SERP2: variants seen among roughly 807,000 people sequenced by gnomAD.
SERP2 encodes stress associated endoplasmic reticulum protein family member 2, also known as stress-associated endoplasmic reticulum protein 2.
Under a neutral mutation model 9.1 loss-of-function variants are expected in SERP2, and 6 were observed. The observed-to-expected ratio is 0.66, with a 90% CI of 0.36 to 1.30. The LOEUF is 1.30. SERP2 is among the 50% of genes most tolerant of loss of function. The pLI, the probability that SERP2 is intolerant of heterozygous loss-of-function variation, is 0.03. For synonymous variants in SERP2, 37 were observed against 27.3 expected, an observed-to-expected ratio of 1.35 and a Z score of -1.10; for missense variants, 58 against 81.9, an observed-to-expected ratio of 0.71 and a Z score of 1.13.
rs1254460280 is a variant in SERP2 at position 44,373,880 on chromosome 13, G to A, written c.-146G>A. The A allele has an allele frequency of 1.8e-5, 11 of 613,804 alleles. No individual in the cohort carries two copies. The highest frequency in any genetic ancestry group is 3.0e-5 in the Non-Finnish European group (11 of 365,224). The allele number at this position is 613,804 out of a possible 1,614,324, so 38.0% of individuals were successfully genotyped here. ...GTCGGCTAGCCGGGGCTCGGGGAGC[G>A]GGGTGCGCAGGGCTCGGGGCCACGC... On this transcript the variant is annotated 5_prime_UTR_variant, in exon 1 of 3. Coordinates refer to ENST00000379179, the MANE Select transcript of SERP2 (RefSeq NM_001010897.3). This position sits in a 1 kb window ranked among gnomAD's most constrained non-coding sequence, Gnocchi z 4.8.
chr13:44,382,377 C>T (rs9590825), intron 2 of SERP2, among the ~76,000 whole-genome samples: 6,943 of 133,214 alleles, frequency 0.052, 515 homozygotes, highest in African/African-American at 0.18. Flanking sequence ...GTGGAGCTTG[C>T]AGTGAGCCGA....
At chr13:44,392,688 C>A (rs1326555073) in intron 2 of SERP2, among the ~76,000 whole-genome samples, 3 of 151,938 alleles carry the variant, frequency 2.0e-5, no homozygotes, top group African/African-American at 4.8e-5. Context: ...AGCAGTGGGA[C>A]GAGATCATGA....
rs373109847 is a variant in SERP2 at position 44,383,544 on chromosome 13, G to GTTTTTTTTTTTTTTTTTTTTTTTTTTT, written c.157+3839_157+3840insTTTTTTTTTTTTTTTTTTTTTTTTTTT. ...TAGCTCCACCTCTCTGGAGGTTTGC[G>GTTTTTTTTTTTTTTTTTTTTTTTTTTT]TTTTTTTTGTTTTTTTTTTTTTGAG... On this transcript the variant is annotated intron_variant, in intron 2 of 2. Coordinates refer to ENST00000379179, the MANE Select transcript of SERP2 (RefSeq NM_001010897.3). Among the ~76,000 whole-genome samples, 5 of 91,830 alleles carry GTTTTTTTTTTTTTTTTTTTTTTTTTTT rather than the reference G, an allele frequency of 5.4e-5. 2 individuals carry two copies. The highest frequency in any genetic ancestry group is 1.1e-4 in the Non-Finnish European group (5 of 47,422). The allele number at this position is 91,830 out of a possible 152,430, so 60.2% of individuals were successfully genotyped here. A position where few individuals can be genotyped will look rare whatever the true frequency, so the allele number is the denominator to read the frequency against.
chr13:44,397,226 C>A (rs774308237), intron 2 of SERP2, 46 bp from the exon 3 acceptor site: 3 of 1,573,988 alleles, frequency 1.9e-6, no homozygotes, highest in Non-Finnish European at 2.6e-6. Flanking sequence ...GGGTTTCCAG[C>A]TGTGTGCAGT....
intron 2 of SERP2, among the ~76,000 whole-genome samples, chr13:44,381,066 A>G (rs190552800): frequency 1.3e-4 from 20 of 152,204 alleles, no homozygotes; most frequent in Admixed American, 7.2e-4. Flanking sequence ...CCTCTTCTGG[A>G]TCTGCTCAAT....
intron 2 of SERP2, chr13:44,396,024 G>GAC: frequency 3.7e-6 from 1 of 273,436 alleles, no homozygotes; most frequent in South Asian, 3.8e-5. Flanking sequence ...TCATTATGGT[G>GAC]ACACTGAACA....
At chr13:44,385,200 C>G (rs974404076) in intron 2 of SERP2, among the ~76,000 whole-genome samples, 2 of 152,222 alleles carry the variant, frequency 1.3e-5, no homozygotes, top group African/African-American at 2.4e-5. Flanking sequence ...TCACTTGCCT[C>G]CTGCTTCTCA....
At chr13:44,380,354 T>C (rs2138781336) in intron 2 of SERP2, among the ~76,000 whole-genome samples, 1 of 152,268 alleles carries the variant, frequency 6.6e-6, no homozygotes, top group African/African-American at 2.4e-5. Flanking sequence ...TGGAGGTCAC[T>C]TCTTCTAACT....
intron 1 of SERP2, among the ~76,000 whole-genome samples, chr13:44,374,839 T>C (rs1214538971): frequency 1.3e-5 from 2 of 152,324 alleles, no homozygotes; most frequent in East Asian, 3.9e-4. Context: ...ATTCCTATTC[T>C]TTCCACTTGG....
At position 44,397,402 on chromosome 13, in the gene SERP2, C is replaced by A; in HGVS notation, c.*90C>A. On this transcript the variant is annotated 3_prime_UTR_variant, in exon 3 of 3. Coordinates refer to ENST00000379179, the MANE Select transcript of SERP2 (RefSeq NM_001010897.3). ...CCAGTTTCTGCGGGAAACAAGCAGG[C>A]CACACGGAATAGAAAAAAACGCTCC... 3 of 1,025,328 alleles carry A rather than the reference C, an allele frequency of 2.9e-6. No homozygotes were observed. The highest frequency in any genetic ancestry group is 4.6e-6 in the Non-Finnish European group (3 of 654,594). 63.5% of individuals were successfully genotyped at this position (1,025,328 alleles called of 1,614,324 possible).
intron 2 of SERP2, among the ~76,000 whole-genome samples, chr13:44,382,204 G>A (rs1378875025): frequency 1.3e-5 from 2 of 151,794 alleles, no homozygotes; most frequent in African/African-American, 2.4e-5. Context: ...TTGGGAGGCC[G>A]AGGCGGGCGG....
intron 2 of SERP2, among the ~76,000 whole-genome samples, chr13:44,385,193 C>G (rs939914634): frequency 6.6e-6 from 1 of 152,366 alleles, no homozygotes; most frequent in Middle Eastern, 3.4e-3. Context: ...ACTGCCATCA[C>G]TTGCCTCCTG....
chr13:44,382,235 G>T (rs1218401518), intron 2 of SERP2, among the ~76,000 whole-genome samples: 1 of 151,586 alleles, frequency 6.6e-6, no homozygotes, highest in East Asian at 1.9e-4. Context: ...CAGGAGATAA[G>T]ACCATCCTGG....
intron 1 of SERP2, 44 bp from the exon 2 acceptor site, chr13:44,379,597 T>C: frequency 7.0e-7 from 1 of 1,422,800 alleles, no homozygotes; most frequent in Non-Finnish European, 9.9e-7. Context: ...TAATTGTTTA[T>C]TGAGTCAATG....
intron 1 of SERP2, among the ~76,000 whole-genome samples, chr13:44,378,281 CT>C (rs1345467151): frequency 6.6e-6 from 1 of 151,948 alleles, no homozygotes; most frequent in Non-Finnish European, 1.5e-5. Context: ...GAAGATTATC[CT>C]TTTTTAAAGA....
At position 44,373,982 on chromosome 13, in the gene SERP2, A is replaced by G; in HGVS notation, c.-44A>G. 1 of 1,531,232 alleles carries G rather than the reference A, an allele frequency of 6.5e-7. No homozygotes were observed. The highest frequency in any genetic ancestry group is 1.2e-5 in the South Asian group (1 of 85,454). 94.9% of individuals were successfully genotyped at this position (1,531,232 alleles called of 1,614,324 possible). A position where few individuals can be genotyped will look rare whatever the true frequency, so the allele number is the denominator to read the frequency against. On this transcript the variant is annotated 5_prime_UTR_variant, in exon 1 of 3. Coordinates refer to ENST00000379179, the MANE Select transcript of SERP2 (RefSeq NM_001010897.3). This position sits in a 1 kb window ranked among gnomAD's most constrained non-coding sequence, Gnocchi z 4.8. ...TCGGCCCTGTCGCAGGAGCTAACGC[A>G]GGGGGAATCCTTGCAGGTGGGAGCA...
chr13:44,377,971 T>C (rs536201621), intron 1 of SERP2, among the ~76,000 whole-genome samples: 20 of 152,328 alleles, frequency 1.3e-4, no homozygotes, highest in South Asian at 6.2e-4. Context: ...ACACATTAAT[T>C]ATCACAAGAA....
At chr13:44,385,887 C>T (rs1188739363) in intron 2 of SERP2, among the ~76,000 whole-genome samples, 1 of 152,168 alleles carries the variant, frequency 6.6e-6, no homozygotes, top group Non-Finnish European at 1.5e-5. Context: ...CCTTGTAGCC[C>T]TCATGGGAAA....
intron 2 of SERP2, chr13:44,391,081 T>A (rs558540370): frequency 6.6e-6 from 1 of 152,304 alleles, no homozygotes; most frequent in South Asian, 2.1e-4. Flanking sequence ...TAAAAGTGGC[T>A]TTAGGAAGCC....
Sources: allele counts gnomAD v4.1 joint callset (sites outside exome capture counted in the v4.1 genomes callset), GRCh38; gene constraint gnomAD v4.1.1; non-coding constraint Gnocchi (gnomAD v3.1); transcripts MANE v1.5; gene names NCBI Gene and HGNC (gene_info 2026-07-23, HGNC 2026-07-21).